The following RCL1 variants were observed in gnomAD, a reference collection of about 807,000 sequenced individuals.
RCL1 encodes RNA 3'-terminal phosphate cyclase-like protein.
A neutral mutation model predicts 42.4 loss-of-function variants in RCL1; 24 were observed. The observed-to-expected ratio is 0.57, with a 90% confidence interval of 0.41 to 0.80. The LOEUF (loss-of-function observed/expected upper bound fraction) is 0.80, where lower values mean the gene tolerates loss of function less well. Ranked by LOEUF, RCL1 falls within the 30% of genes least tolerant of loss-of-function variation. The pLI is 0.00. For synonymous variants in RCL1, 228 were observed against 177.3 expected (o/e 1.29, Z -2.27); for missense variants, 578 against 467.9 (o/e 1.24, Z -2.17).
At chr9:4,841,705 G>T (rs1438555423) in intron 6 of RCL1, among the ~76,000 whole-genome samples, 2 of 152,202 alleles carry the variant, frequency 1.3e-5, no homozygotes, top group African/African-American at 2.4e-5. Flanking sequence ...GTAAATAACA[G>T]TATAGGGTTA....
intron 4 of RCL1, among the ~76,000 whole-genome samples, chr9:4,833,686 A>G (rs112471418): frequency 0.011 from 1,679 of 152,338 alleles, 31 homozygotes; most frequent in African/African-American, 0.038. Context: ...TTGTTGAATT[A>G]TATCAATCCA....
chr9:4,816,027 C>A (rs1816363810), intron 1 of RCL1, among the ~76,000 whole-genome samples: 1 of 152,110 alleles, frequency 6.6e-6, no homozygotes, highest in South Asian at 2.1e-4. Flanking sequence ...CTCTGGCACC[C>A]TTCCTCAGTT....
chr9:4,854,164 G>T (rs1481655035), intron 8 of RCL1, among the ~76,000 whole-genome samples: 2 of 152,154 alleles, frequency 1.3e-5, no homozygotes, highest in Non-Finnish European at 2.9e-5. Flanking sequence ...AGAGGTCACT[G>T]ACCTGCTTAT....
At chr9:4,840,411 C>T (rs1170540105) in intron 5 of RCL1, among the ~76,000 whole-genome samples, 1 of 152,166 alleles carries the variant, frequency 6.6e-6, no homozygotes, top group African/African-American at 2.4e-5. Context: ...TACATACTTA[C>T]TTTTTCTTTG....
At position 4,831,284 on chromosome 9, in the gene RCL1, G is replaced by A. The variant is rs190968117; in HGVS notation, c.385-1870G>A. 1.4e-3 allele frequency among the ~76,000 whole-genome samples: 215 copies of A among 149,828 alleles called. 1 individual carries two copies. The highest frequency in any genetic ancestry group is 2.1e-3 in the Non-Finnish European group (143 of 67,998). On this transcript the variant is annotated intron_variant, in intron 3 of 8. Coordinates refer to ENST00000381750, the MANE Select transcript of RCL1 (RefSeq NM_005772.5). Reference sequence around the variant, plus strand: ...GTGACTCAAGGTATAGGAAGGATGAGCCAGAAGGAATGCTGTGTTTTTTCA... The same window carrying A: ...GTGACTCAAGGTATAGGAAGGATGAACCAGAAGGAATGCTGTGTTTTTTCA...
intron 5 of RCL1, among the ~76,000 whole-genome samples, chr9:4,834,886 TTAA>T (rs1261240108): frequency 3.3e-5 from 5 of 152,232 alleles, no homozygotes; most frequent in African/African-American, 9.6e-5. Context: ...AAGGAATTTC[TTAA>T]TAATGTCACA....
intron 1 of RCL1, among the ~76,000 whole-genome samples, chr9:4,812,015 G>A (rs1322957397): frequency 1.3e-5 from 2 of 152,082 alleles, no homozygotes; most frequent in Non-Finnish European, 2.9e-5. Flanking sequence ...TGTCTATTCA[G>A]CTTTTTTGCT....
intron 7 of RCL1, among the ~76,000 whole-genome samples, chr9:4,848,156 C>T (rs1817584787): frequency 6.6e-6 from 1 of 152,212 alleles, no homozygotes; most frequent in Admixed American, 6.5e-5. Context: ...ATCTATAAAA[C>T]AGTTTTGTTG....
chr9:4,798,465 C>A (rs7870861), intron 1 of RCL1, among the ~76,000 whole-genome samples: 3,438 of 152,322 alleles, frequency 0.023, 110 homozygotes, highest in African/African-American at 0.076. Context: ...AGAGGAGTTA[C>A]TTGGTCCCAT....
chr9:4,817,880 C>A (rs972840510), intron 1 of RCL1, among the ~76,000 whole-genome samples: 72 of 144,356 alleles, frequency 5.0e-4, no homozygotes, highest in African/African-American at 1.7e-3. Flanking sequence ...CATTTCTAAA[C>A]TCTCAGTTCA....
At chr9:4,830,296 A>G (rs1311336380) in intron 3 of RCL1, among the ~76,000 whole-genome samples, 3 of 152,016 alleles carry the variant, frequency 2.0e-5, no homozygotes, top group Non-Finnish European at 4.4e-5. Flanking sequence ...TGAGGTTGGG[A>G]TTTTTTTTAG....
intron 1 of RCL1, among the ~76,000 whole-genome samples, chr9:4,822,116 C>T (rs549095587): frequency 1.3e-5 from 2 of 152,304 alleles, no homozygotes; most frequent in South Asian, 2.1e-4. Flanking sequence ...ATTTCTAGCC[C>T]AGTGCCCTTT....
At chr9:4,856,671 T>C (rs889697834) in intron 8 of RCL1, among the ~76,000 whole-genome samples, 1 of 152,194 alleles carries the variant, frequency 6.6e-6, no homozygotes, top group Non-Finnish European at 1.5e-5. Flanking sequence ...GTAGGGTTTA[T>C]GGGCTAGGAA....
intron 3 of RCL1, among the ~76,000 whole-genome samples, chr9:4,829,311 G>A (rs552840628): frequency 6.6e-6 from 1 of 152,286 alleles, no homozygotes; most frequent in South Asian, 2.1e-4. Context: ...GAAGGAGAAC[G>A]GAAGGGGCAG....
At chr9:4,812,818 T>C (rs1362876985) in intron 1 of RCL1, among the ~76,000 whole-genome samples, 1 of 152,180 alleles carries the variant, frequency 6.6e-6, no homozygotes. Flanking sequence ...AGGTATTTTA[T>C]GGTTTTTTTT....
chr9:4,798,909 C>T (rs1842954581), intron 1 of RCL1, among the ~76,000 whole-genome samples: 1 of 150,166 alleles, frequency 6.7e-6, no homozygotes, highest in Admixed American at 6.6e-5. Flanking sequence ...AAGGCAAATG[C>T]CAAGAATCCT....
chr9:4,840,238 CATTGGGCTGG>C (rs1271686766), intron 5 of RCL1, among the ~76,000 whole-genome samples: 1 of 152,182 alleles, frequency 6.6e-6, no homozygotes, highest in Admixed American at 6.5e-5. Context: ...AGTTCTTGAA[CATTGGGCTGG>C]ATTGGGCAGA....
chr9:4,833,211 G>C lies in RCL1; in HGVS notation c.442G>C (p.Glu148Gln). Residue 148 changes from glutamate to glutamine, a missense_variant, in exon 4 of 9, where the codon GAA becomes CAA. Coordinates refer to ENST00000381750, the MANE Select transcript of RCL1 (RefSeq NM_005772.5). ...GTTGAAACAATTTGGGATTGATGGT[G>C]AATCATTTGAACTGAAGGTAAGAAT... ...PLLKQFGIDG[E>Q]SFELKIVRRG... is the part of the protein sequence containing the mutation. 6.2e-7 allele frequency: 1 copy of C among 1,612,190 alleles called. No homozygotes were observed. The highest frequency in any genetic ancestry group is 1.7e-5 in the Admixed American group (1 of 60,022).
chr9:4,807,753 A>G (rs1195235560), intron 1 of RCL1, among the ~76,000 whole-genome samples: 1 of 152,180 alleles, frequency 6.6e-6, no homozygotes, highest in Non-Finnish European at 1.5e-5. Context: ...TCCTGACCTC[A>G]GGTGATCCGC....
Sources: allele counts gnomAD v4.1 joint callset (sites outside exome capture counted in the v4.1 genomes callset), GRCh38; gene constraint gnomAD v4.1.1; transcripts MANE v1.5; gene names NCBI Gene and HGNC (gene_info 2026-07-23, HGNC 2026-07-21).